The following WWOX variants were observed in gnomAD, a reference collection of about 807,000 sequenced individuals.
WWOX encodes the protein WW domain containing oxidoreductase, also known as WW domain-containing oxidoreductase.
Under a neutral mutation model 46.2 loss-of-function variants are expected in WWOX, and 69 were observed. That is an observed-to-expected ratio of 1.49 (90% CI 1.23 to 1.82). The LOEUF (loss-of-function observed/expected upper bound fraction) is 1.82. WWOX is among the 40% of genes most tolerant of loss of function. The pLI is 0.00. For missense variants in WWOX, 919 were observed against 542.6 expected, an observed-to-expected ratio of 1.69 and a Z score of -6.89; for synonymous variants, 359 against 202.6, an observed-to-expected ratio of 1.77 and a Z score of -6.56.
At chr16:78,999,688 C>A (rs1024922812) in intron 8 of WWOX, among the ~76,000 whole-genome samples, 1 of 151,808 alleles carries the variant, frequency 6.6e-6, no homozygotes, top group Non-Finnish European at 1.5e-5. Context: ...AAAATGGAGG[C>A]CTACTTAAGT....
At chr16:78,231,664 G>T (rs1249442834) in intron 5 of WWOX, among the ~76,000 whole-genome samples, 1 of 152,188 alleles carries the variant, frequency 6.6e-6, no homozygotes, top group Non-Finnish European at 1.5e-5. Context: ...TAACCCAAGA[G>T]AAGGCAGAAA....
intron 8 of WWOX, among the ~76,000 whole-genome samples, chr16:78,660,923 A>C (rs1380391447): frequency 6.6e-6 from 1 of 152,206 alleles, no homozygotes; most frequent in Non-Finnish European, 1.5e-5. Flanking sequence ...TCAACCTCCT[A>C]ATACTGCATG....
chr16:78,773,090 C>G (rs1006912505), intron 8 of WWOX, among the ~76,000 whole-genome samples: 1 of 152,170 alleles, frequency 6.6e-6, no homozygotes, highest in Non-Finnish European at 1.5e-5. Flanking sequence ...AATTAGGTAA[C>G]TTGCTCAGTG....
At chr16:78,212,152 C>G (rs911327115) in intron 5 of WWOX, among the ~76,000 whole-genome samples, 4 of 152,174 alleles carry the variant, frequency 2.6e-5, no homozygotes, top group Non-Finnish European at 5.9e-5. Context: ...AGCACCTGGC[C>G]TCAGCTGTAG....
chr16:78,934,218 A>G lies in WWOX; in HGVS notation c.1057-277390A>G, dbSNP rs113779558. ...CCTGACATGGTGGCACATCCCTGTAATCCCAGCTACTCGGGAGGCTGAGGC... is the reference window on the plus strand; with the variant it reads ...CCTGACATGGTGGCACATCCCTGTAGTCCCAGCTACTCGGGAGGCTGAGGC... On this transcript the variant is annotated intron_variant, in intron 8 of 8. Transcript: ENST00000566780. Among the ~76,000 whole-genome samples, 525 of 151,410 alleles carry G rather than the reference A, an allele frequency of 3.5e-3. 2 individuals carry two copies. The highest frequency in any genetic ancestry group is 0.012 in the African/African-American group (475 of 41,230).
At chr16:78,375,852 A>AT (rs11312205) in intron 5 of WWOX, among the ~76,000 whole-genome samples, 328 of 129,250 alleles carry the variant, frequency 2.5e-3, no homozygotes, top group East Asian at 9.7e-3. Context: ...CATGTATAGG[A>AT]TTTTTTTTTT....
intron 8 of WWOX, among the ~76,000 whole-genome samples, chr16:78,965,916 A>C (rs1400686064): frequency 6.6e-6 from 1 of 152,200 alleles, no homozygotes; most frequent in East Asian, 1.9e-4. Flanking sequence ...ATTGGACGAA[A>C]TGGGTGATCT....
chr16:78,986,357 A>G (rs1166489011), intron 8 of WWOX, among the ~76,000 whole-genome samples: 1 of 152,218 alleles, frequency 6.6e-6, no homozygotes, highest in Non-Finnish European at 1.5e-5. Context: ...TTATGAAGGC[A>G]TATTCCTAAT....
intron 8 of WWOX, among the ~76,000 whole-genome samples, chr16:78,780,638 G>A (rs548079968): frequency 1.3e-5 from 2 of 152,172 alleles, no homozygotes; most frequent in African/African-American, 2.4e-5. Flanking sequence ...AGGAGGTGAT[G>A]TTTGAACTTA....
intron 8 of WWOX, among the ~76,000 whole-genome samples, chr16:78,863,027 T>G (rs1341202170): frequency 6.6e-6 from 1 of 151,338 alleles, no homozygotes; most frequent in Non-Finnish European, 1.5e-5. Context: ...GGTGCAACCT[T>G]GGCTCACCAC....
intron 8 of WWOX, among the ~76,000 whole-genome samples, chr16:78,454,061 T>C (rs146631005): frequency 0.011 from 1,685 of 152,290 alleles, 27 homozygotes; most frequent in African/African-American, 0.039. Context: ...GAAAAATCAG[T>C]ATTTATTTAT....
At chr16:78,362,830 G>C (rs1385152425) in intron 5 of WWOX, among the ~76,000 whole-genome samples, 1 of 152,124 alleles carries the variant, frequency 6.6e-6, no homozygotes, top group Non-Finnish European at 1.5e-5. Context: ...TTATGAAGGA[G>C]ATACTAGTAT....
At chr16:78,849,450 T>G (rs2052384754) in intron 8 of WWOX, among the ~76,000 whole-genome samples, 1 of 151,104 alleles carries the variant, frequency 6.6e-6, no homozygotes, top group South Asian at 2.1e-4. Flanking sequence ...GGCGGGCGCC[T>G]GTAGTCCCAG....
chr16:78,360,365 C>G (rs890347357), intron 5 of WWOX, among the ~76,000 whole-genome samples: 3 of 152,040 alleles, frequency 2.0e-5, no homozygotes, highest in Non-Finnish European at 4.4e-5. Context: ...GCGGGCTGAT[C>G]CCTTGAGGCC....
At chr16:79,165,436 C>T (rs1445498889) in intron 8 of WWOX, among the ~76,000 whole-genome samples, 7 of 152,156 alleles carry the variant, frequency 4.6e-5, no homozygotes, top group Non-Finnish European at 1.0e-4. Flanking sequence ...CAGCCGGTAG[C>T]ATATTGCTTC....
intron 8 of WWOX, among the ~76,000 whole-genome samples, chr16:78,894,535 C>T (rs1046522642): frequency 6.6e-6 from 1 of 152,194 alleles, no homozygotes; most frequent in Non-Finnish European, 1.5e-5. Context: ...TTCATTGCTG[C>T]AGCTGTAATC....
At chr16:78,771,139 C>G (rs1380416827) in intron 8 of WWOX, among the ~76,000 whole-genome samples, 4 of 152,146 alleles carry the variant, frequency 2.6e-5, no homozygotes, top group African/African-American at 4.8e-5. Context: ...AGCATTTGGC[C>G]AGAGCACGCA....
intron 5 of WWOX, among the ~76,000 whole-genome samples, chr16:78,318,976 A>G (rs1181463992): frequency 6.6e-6 from 1 of 152,174 alleles, no homozygotes; most frequent in East Asian, 1.9e-4. Flanking sequence ...ATGGAAGAGG[A>G]AAATTAAGAT....
chr16:79,050,107 C>A (rs562730285), intron 8 of WWOX, among the ~76,000 whole-genome samples: 10 of 152,218 alleles, frequency 6.6e-5, no homozygotes, highest in Admixed American at 2.6e-4. Flanking sequence ...GCTGCTGCTG[C>A]GTAACCGTGT....
Sources: allele counts gnomAD v4.1 joint callset (sites outside exome capture counted in the v4.1 genomes callset), GRCh38; gene constraint gnomAD v4.1.1; transcripts MANE v1.5; gene names NCBI Gene and HGNC (gene_info 2026-07-23, HGNC 2026-07-21).